Variants in SNED1 observed in about 807,000 individuals in gnomAD.
SNED1 encodes the protein sushi, nidogen and EGF-like domain-containing protein 1.
In SNED1, 81 loss-of-function variants were observed where a neutral mutation model predicts 166.7. The ratio of observed to expected loss-of-function variants is 0.49; its 90% CI spans 0.41 to 0.58. SNED1 has a LOEUF of 0.58. Ranked by LOEUF, SNED1 falls within the 20% of genes least tolerant of loss-of-function variation. The pLI is 0.00. For missense variants in SNED1, 1,604 were observed against 2,000.2 expected (o/e 0.80, Z 3.78); for synonymous variants, 762 against 822.0 (o/e 0.93, Z 1.25).
intron 1 of SNED1, among the ~76,000 whole-genome samples, chr2:241,023,571 TTGTC>T (rs1221507057): frequency 1.3e-5 from 2 of 152,220 alleles, no homozygotes; most frequent in Non-Finnish European, 2.9e-5. Flanking sequence ...CATATTATCT[TTGTC>T]TGTGCCTGGT....
In SNED1 at chr2:241,064,879, C is replaced by T. The variant is rs1334813770; in HGVS notation, c.2635C>T (p.Arg879Cys). The change falls in exon 20 of 32, where the codon CGT becomes TGT. Residue 879 changes from arginine (R) to cysteine (C), a missense_variant. Coordinates refer to ENST00000310397, the MANE Select transcript of SNED1 (RefSeq NM_001080437.3). This position sits in a 1 kb window ranked among gnomAD's most constrained non-coding sequence, Gnocchi z 7.0. ...CTGCTTCTCCAGCCCCTGTGGGGGC[C>T]GTGGCTATTGCCTGGCCAGCAACGG... is the stretch of plus-strand genomic sequence containing the variant. ...DPCFSSPCGG[R>C]GYCLASNGSH... is the part of the protein sequence containing the mutation. 2.5e-6 allele frequency: 4 copies of T among 1,588,526 alleles called. No individual in the cohort carries two copies. The highest frequency in any genetic ancestry group is 3.4e-6 in the Non-Finnish European group (4 of 1,172,812).
intron 31 of SNED1, chr2:241,088,843 A>T: frequency 4.6e-6 from 1 of 217,146 alleles, no homozygotes; most frequent in Admixed American, 5.5e-5. Context: ...GAGGGCTGAG[A>T]GAGTGCCTCC....
Position 240,999,848 on chromosome 2 carries a change from G to A in SNED1, c.213+798G>A, listed in dbSNP as rs1474080590. ...TAACTGCATGGAGCACTCGCCCTGA[G>A]TAGGCCACGGTGCACTGGTACCTGG... On this transcript the variant is annotated intron_variant, in intron 1 of 31. Transcript: ENST00000310397. The surrounding 1 kb of genome is among the most constrained non-coding windows in gnomAD (Gnocchi z 5.8). 6.6e-6 allele frequency among the ~76,000 whole-genome samples: 1 copy of A among 152,162 alleles called. No homozygotes were observed. Among genetic ancestry groups the A allele is most frequent in the Non-Finnish European group, 1.5e-5 (1 of 68,014 alleles).
At chr2:241,033,341 G>T (rs374412494) in intron 2 of SNED1, among the ~76,000 whole-genome samples, 2 of 152,154 alleles carry the variant, frequency 1.3e-5, no homozygotes, top group Non-Finnish European at 2.9e-5. Flanking sequence ...ACTGTTAAAC[G>T]CTGCAGCACG....
In SNED1 at chr2:241,070,325, G is replaced by A. The variant is rs576552706; in HGVS notation, c.3589+124G>A. On this transcript the variant is annotated intron_variant, in intron 24 of 31. Coordinates refer to ENST00000310397, the MANE Select transcript of SNED1 (RefSeq NM_001080437.3). ...GCAGACAGCCTAGAAACAGGACCGT[G>A]TTAGCAGGGGAGGAGTCTGTGTATG... 1.9e-5 allele frequency: 20 copies of A among 1,025,726 alleles called. No individual in the cohort carries two copies. The African/African-American group carries it at 2.8e-4, about 14-fold the overall frequency. 63.5% of individuals were successfully genotyped at this position (1,025,726 alleles called of 1,614,324 possible).
chr2:241,028,601 T>C (rs1477342181), intron 1 of SNED1, among the ~76,000 whole-genome samples: 1 of 152,238 alleles, frequency 6.6e-6, no homozygotes, highest in African/African-American at 2.4e-5. Context: ...TGATTATATA[T>C]CGAAGGCTTA....
rs187686984 is a variant in SNED1 at position 241,081,457 on chromosome 2, G to A, written c.3917-220G>A. ...TCCTTCCAGTAATGAGGTCAGGGCC[G>A]AGCACACTGCGGCCTGTCTCCTCAC... On this transcript the variant is annotated intron_variant, in intron 27 of 31. Transcript: ENST00000310397. Among the ~76,000 whole-genome samples, 9 of 152,238 alleles carry A rather than the reference G, an allele frequency of 5.9e-5. No homozygotes were observed. In the South Asian group the frequency reaches 1.2e-3, roughly 21 times the overall value.
chr2:241,048,137 G>A (rs7590504), intron 8 of SNED1, among the ~76,000 whole-genome samples, 178 bp from the exon 9 acceptor site: 41,498 of 151,846 alleles, frequency 0.27, 6,011 homozygotes, highest in Middle Eastern at 0.35. Context: ...GGGAGATGCT[G>A]AGCTCCATGG....
chr2:241,054,262 G>A (rs1015661398), intron 16 of SNED1, among the ~76,000 whole-genome samples: 1 of 152,116 alleles, frequency 6.6e-6, no homozygotes, highest in East Asian at 1.9e-4. Flanking sequence ...CCAGGATATC[G>A]AGACACCTGA....
At position 241,073,053 on chromosome 2, in the gene SNED1, C is replaced by G; in HGVS notation, c.3818-213C>G. The G allele has an allele frequency of 1.8e-6, 1 of 554,216 alleles. No homozygotes were observed. The highest frequency in any genetic ancestry group is 4.7e-4 in the Middle Eastern group (1 of 2,112). 34.3% of individuals were successfully genotyped at this position (554,216 alleles called of 1,614,324 possible). On this transcript the variant is annotated intron_variant, in intron 26 of 31. Transcript: ENST00000310397. The surrounding 1 kb of genome is among the most constrained non-coding windows in gnomAD (Gnocchi z 6.6). Reference sequence around the variant, plus strand: ...CTGAGGGGGCCCTGCAAGGGGAAGGCCGAGCCCCTCCAGAGGGTCAGCAGG... The same window carrying G: ...CTGAGGGGGCCCTGCAAGGGGAAGGGCGAGCCCCTCCAGAGGGTCAGCAGG...
intron 30 of SNED1, chr2:241,087,865 T>G: frequency 2.2e-6 from 1 of 449,856 alleles, no homozygotes; most frequent in East Asian, 3.4e-5. Flanking sequence ...TTCAAGGTAG[T>G]TACAAGAATT....
At chr2:241,040,992 T>G in intron 8 of SNED1, 1 of 389,142 alleles carries the variant, frequency 2.6e-6, no homozygotes, top group Non-Finnish European at 5.2e-6. Context: ...GCTCACCCAC[T>G]GTGCCGACTT....
intron 8 of SNED1, among the ~76,000 whole-genome samples, chr2:241,047,785 GTC>G (rs68093522): frequency 0.072 from 10,946 of 151,726 alleles, 1,001 homozygotes; most frequent in East Asian, 0.27. Context: ...ATCCTGGGTG[GTC>G]TCTCTGGTGT....
chr2:241,071,935 C>G (rs774185267), intron 26 of SNED1, 57 bp downstream of exon 26: 22 of 1,368,896 alleles, frequency 1.6e-5, no homozygotes, highest in Non-Finnish European at 2.0e-5. Context: ...CTCACTGCCA[C>G]TCTCACCAGG....
chr2:241,051,629 T>G lies in SNED1; in HGVS notation c.1736-115T>G. 1 of 815,040 alleles carries G rather than the reference T, an allele frequency of 1.2e-6. No homozygotes were observed. The allele number at this position is 815,040 out of a possible 1,614,324, so 50.5% of individuals were successfully genotyped here. A position where few individuals can be genotyped will look rare whatever the true frequency, so the allele number is the denominator to read the frequency against. ...CCTGCTGCAGCCAGGCCCCAGGGCTTCGTCGAGAAGGCCCCACCAGCACCA... is the reference window on the plus strand; with the variant it reads ...CCTGCTGCAGCCAGGCCCCAGGGCTGCGTCGAGAAGGCCCCACCAGCACCA... On this transcript the variant is annotated intron_variant, in intron 12 of 31. Coordinates refer to ENST00000310397, the MANE Select transcript of SNED1 (RefSeq NM_001080437.3). This position sits in a 1 kb window ranked among gnomAD's most constrained non-coding sequence, Gnocchi z 4.7.
At chr2:241,016,258 G>A (rs923363506) in intron 1 of SNED1, among the ~76,000 whole-genome samples, 3 of 135,702 alleles carry the variant, frequency 2.2e-5, no homozygotes, top group African/African-American at 5.6e-5. Flanking sequence ...GCAGTGGCAC[G>A]ATCTTGGCTC....
At chr2:241,047,171 T>G (rs202193767) in intron 8 of SNED1, among the ~76,000 whole-genome samples, 146 of 56,278 alleles carry the variant, frequency 2.6e-3, no homozygotes, top group Non-Finnish European at 3.8e-3. Context: ...AAAAAAAAAG[T>G]AAATTAGGTA....
chr2:241,062,208 G>A (rs749046445), intron 16 of SNED1, among the ~76,000 whole-genome samples: 1 of 152,134 alleles, frequency 6.6e-6, no homozygotes, highest in Non-Finnish European at 1.5e-5. Flanking sequence ...GATTCTTATC[G>A]CAAGGGAAGA....
In SNED1 at chr2:241,034,690, CGAT is replaced by C. The variant is rs1559244585; in HGVS notation, c.770_772del (p.Asp257del). 1.2e-6 allele frequency: 2 copies of C among 1,600,236 alleles called. No individual in the cohort carries two copies. Among genetic ancestry groups the C allele is most frequent in the East Asian group, 4.5e-5 (2 of 44,186 alleles). ...TGCCCGGGCGCTGGGCGTTCAGAAT[CGAT>C]GATGCCCAGGTGCGCGTGGGGGGCT... On this transcript the variant is annotated inframe_deletion, in exon 4 of 32. Coordinates refer to ENST00000310397, the MANE Select transcript of SNED1 (RefSeq NM_001080437.3).
Sources: allele counts gnomAD v4.1 joint callset (sites outside exome capture counted in the v4.1 genomes callset), GRCh38; gene constraint gnomAD v4.1.1; non-coding constraint Gnocchi (gnomAD v3.1); transcripts MANE v1.5; gene names NCBI Gene and HGNC (gene_info 2026-07-23, HGNC 2026-07-21).